ABLIM1: variants seen among roughly 807,000 people sequenced by gnomAD.
ABLIM1 encodes actin-binding LIM protein 1.
ABLIM1 carries 40 observed loss-of-function variants against 107.0 expected under a neutral mutation model. That is an observed-to-expected ratio of 0.37 (90% CI 0.29 to 0.49). ABLIM1 has a LOEUF of 0.49. Among genes scored for constraint, ABLIM1 ranks in the 20% least tolerant of loss-of-function variants. ABLIM1 has a pLI of 0.97. For synonymous variants in ABLIM1, 357 were observed against 357.3 expected, an observed-to-expected ratio of 1.00 and a Z score of 0.01; for missense variants, 857 against 1,008.5, an observed-to-expected ratio of 0.85 and a Z score of 2.04.
intron 1 of ABLIM1, among the ~76,000 whole-genome samples, chr10:114,621,070 T>C (rs951867968): frequency 6.6e-6 from 1 of 152,216 alleles, no homozygotes; most frequent in Non-Finnish European, 1.5e-5. Context: ...ACTGAGCTGC[T>C]TGCATCTCCT....
chr10:114,661,553 C>T (rs2141252980), upstream of ABLIM1, among the ~76,000 whole-genome samples: 1 of 152,338 alleles, frequency 6.6e-6, no homozygotes, highest in South Asian at 2.1e-4. Flanking sequence ...AGGTCTTTCA[C>T]TGCTGCCTTC....
intron 2 of ABLIM1, among the ~76,000 whole-genome samples, chr10:114,583,454 CACACACACACACACATAT>C (rs2073760210): frequency 6.2e-5 from 1 of 16,092 alleles, no homozygotes; most frequent in Non-Finnish European, 1.4e-4. Context: ...CACACACACA[CACACACACACACACATAT>C]ATATATATAT....
In ABLIM1 at chr10:114,445,016, C is replaced by T. The variant is rs113959761; in HGVS notation, c.1827+296G>A. 6.2e-3 allele frequency among the ~76,000 whole-genome samples: 951 copies of T among 152,338 alleles called. 4 individuals are homozygous for T. The highest frequency in any genetic ancestry group is 9.5e-3 in the African/African-American group (393 of 41,572). ...CCCTCCAGCAGCCTTTCAACACATGCACTGCACACATGCCCCCATGTGGTC... is the reference window on the plus strand; with the variant it reads ...CCCTCCAGCAGCCTTTCAACACATGTACTGCACACATGCCCCCATGTGGTC... On this transcript the variant is annotated intron_variant, in intron 16 of 22. Coordinates refer to ENST00000533213, the MANE Select transcript of ABLIM1 (RefSeq NM_002313.7).
At chr10:114,546,537 C>T (rs543880092) in intron 5 of ABLIM1, among the ~76,000 whole-genome samples, 29 of 152,126 alleles carry the variant, frequency 1.9e-4, no homozygotes, top group East Asian at 5.8e-4. Flanking sequence ...TCAGGTGATC[C>T]GACTGCCTCG....
the ABLIM1 span, among the ~76,000 whole-genome samples, chr10:114,789,790 T>TG: frequency 6.7e-6 from 1 of 148,998 alleles, no homozygotes; most frequent in Non-Finnish European, 1.5e-5. Context: ...CATGTATATT[T>TG]GTTTTTTTTT....
chr10:114,555,855 A>T (rs888331389), intron 4 of ABLIM1, among the ~76,000 whole-genome samples: 2 of 151,392 alleles, frequency 1.3e-5, no homozygotes, highest in South Asian at 2.1e-4. Flanking sequence ...AATAGATCTT[A>T]AAAAAAAACA....
chr10:114,468,490 G>C (rs1048360956), intron 10 of ABLIM1, among the ~76,000 whole-genome samples: 5 of 152,036 alleles, frequency 3.3e-5, no homozygotes, highest in African/African-American at 1.2e-4. Flanking sequence ...TAGTCAGGAT[G>C]GTCTCTATCT....
intron 1 of ABLIM1, among the ~76,000 whole-genome samples, chr10:114,626,550 C>T (rs531505406): frequency 8.5e-5 from 13 of 152,216 alleles, no homozygotes. Flanking sequence ...TCTCCTTCCT[C>T]CCACCGACCT....
intron 5 of ABLIM1, among the ~76,000 whole-genome samples, chr10:114,545,934 A>AAC: frequency 8.8e-6 from 1 of 113,862 alleles, no homozygotes; most frequent in Admixed American, 8.4e-5. Flanking sequence ...CCATCTCAAA[A>AAC]AAAAAAAACA....
intron 20 of ABLIM1, 22 bp from the exon 21 acceptor site, chr10:114,439,272 C>T (rs2059863263): frequency 1.9e-6 from 3 of 1,613,874 alleles, no homozygotes; most frequent in Admixed American, 3.3e-5. Context: ...ATGCCAGTTC[C>T]AGGTGAGGCA....
At chr10:114,754,148 A>G (rs1165268416) in intron 1 of ABLIM1, among the ~76,000 whole-genome samples, 7 of 152,146 alleles carry the variant, frequency 4.6e-5, no homozygotes, top group Non-Finnish European at 4.4e-5. Context: ...CACTGCGCCC[A>G]GCCCTCTGGT....
chr10:114,793,469 T>C, the ABLIM1 span, among the ~76,000 whole-genome samples: 1 of 152,146 alleles, frequency 6.6e-6, no homozygotes, highest in South Asian at 2.1e-4. Flanking sequence ...TGCAGAACCA[T>C]GAGCCAATTA....
chr10:114,487,945 A>G lies in ABLIM1; in HGVS notation c.1041+13T>C. ...CAAATGCAGCTGGCATCATGTTTTA[A>G]TTGTGTCCTTACCCGCAGCTTTTCC... On this transcript the variant is annotated intron_variant, in intron 8 of 22. Transcript: ENST00000533213. The G allele has an allele frequency of 1.2e-6, 2 of 1,614,030 alleles. No homozygotes were observed. Among genetic ancestry groups the G allele is most frequent in the Non-Finnish European group, 1.7e-6 (2 of 1,179,904 alleles).
intron 6 of ABLIM1, among the ~76,000 whole-genome samples, chr10:114,530,298 C>T (rs2065312813): frequency 6.6e-6 from 1 of 152,106 alleles, no homozygotes; most frequent in Non-Finnish European, 1.5e-5. Flanking sequence ...ATAAAAGCCA[C>T]ACTTTGGCAG....
chr10:114,564,797 A>G (rs973049809), intron 4 of ABLIM1, among the ~76,000 whole-genome samples: 1 of 152,162 alleles, frequency 6.6e-6, no homozygotes, highest in African/African-American at 2.4e-5. Context: ...CACACTGTCA[A>G]CCGTTATACT....
chr10:114,462,530 T>C (rs1463019004), intron 12 of ABLIM1, among the ~76,000 whole-genome samples: 3 of 152,156 alleles, frequency 2.0e-5, no homozygotes, highest in African/African-American at 7.2e-5. Context: ...AAAAGATGAC[T>C]GCTCTGAGAG....
At chr10:114,519,292 T>C (rs1049891403) in intron 6 of ABLIM1, among the ~76,000 whole-genome samples, 4 of 152,208 alleles carry the variant, frequency 2.6e-5, no homozygotes, top group African/African-American at 4.8e-5. Flanking sequence ...TGTGGAACTT[T>C]CCTGCTAATG....
chr10:114,539,726 G>A (rs896379092), intron 6 of ABLIM1, among the ~76,000 whole-genome samples: 5 of 152,168 alleles, frequency 3.3e-5, no homozygotes, highest in African/African-American at 1.2e-4. Context: ...GATGTCTGCT[G>A]GAGTGAGAGC....
chr10:114,511,288 A>G (rs1326906436), intron 6 of ABLIM1, among the ~76,000 whole-genome samples: 1 of 152,054 alleles, frequency 6.6e-6, no homozygotes, highest in Non-Finnish European at 1.5e-5. Flanking sequence ...AGCAAGATGT[A>G]TTGCTGAATC....
Sources: allele counts gnomAD v4.1 joint callset (sites outside exome capture counted in the v4.1 genomes callset), GRCh38; gene constraint gnomAD v4.1.1; transcripts MANE v1.5; gene names NCBI Gene and HGNC (gene_info 2026-07-23, HGNC 2026-07-21).